ZNF236: variants seen among roughly 807,000 people sequenced by gnomAD.
The protein encoded by ZNF236 is zinc finger protein 236.
Under a neutral mutation model 191.2 loss-of-function variants are expected in ZNF236, and 50 were observed. The ratio of observed to expected loss-of-function variants is 0.26; its 90% CI spans 0.21 to 0.33. The LOEUF (loss-of-function observed/expected upper bound fraction) is 0.33, where lower values mean the gene tolerates loss of function less well. ZNF236 is among the 10% of genes least tolerant of loss of function. The probability of loss-of-function intolerance (pLI) is 1.00; values close to 1 mark genes in which losing one functional copy is unlikely to be tolerated. For synonymous variants in ZNF236, 907 were observed against 928.8 expected, an observed-to-expected ratio of 0.98 and a Z score of 0.43; for missense variants, 1,754 against 2,374.5, an observed-to-expected ratio of 0.74 and a Z score of 5.43.
intron 9 of ZNF236, 109 bp downstream of exon 9, chr18:76,881,621 A>G: frequency 1.0e-6 from 1 of 982,388 alleles, no homozygotes; most frequent in South Asian, 1.7e-5. Context: ...TGTTTGTTGA[A>G]TGTTTTGTAG....
At chr18:76,859,545 C>G (rs894482461) in intron 3 of ZNF236, among the ~76,000 whole-genome samples, 1 of 152,162 alleles carries the variant, frequency 6.6e-6, no homozygotes, top group Non-Finnish European at 1.5e-5. Flanking sequence ...TATTTACAAT[C>G]ATTCGTACAT....
rs536575858 is a variant in ZNF236, at chr18:76,933,270, A to G, written c.4595-3886A>G. 3.3e-5 allele frequency among the ~76,000 whole-genome samples: 5 copies of G among 152,238 alleles called. No individual in the cohort carries two copies. In the South Asian group the frequency reaches 1.0e-3, roughly 32 times the overall value. ...GATCACCTGAGGTCAGGAGTTTGAGACCAGCCTGGCCATCATGGTGAAACC... is the reference window on the plus strand; with the variant it reads ...GATCACCTGAGGTCAGGAGTTTGAGGCCAGCCTGGCCATCATGGTGAAACC... On this transcript the variant is annotated intron_variant, in intron 25 of 30. Coordinates refer to ENST00000320610, the MANE Select transcript of ZNF236 (RefSeq NM_001306089.2).
intron 19 of ZNF236, among the ~76,000 whole-genome samples, chr18:76,918,111 G>GT (rs956864904): frequency 2.6e-5 from 4 of 152,182 alleles, no homozygotes; most frequent in African/African-American, 9.6e-5. Context: ...TGAGTTGTAA[G>GT]TTTTTTTCAG....
intron 27 of ZNF236, 130 bp downstream of exon 27, chr18:76,947,782 C>T: frequency 1.8e-6 from 2 of 1,120,334 alleles, no homozygotes; most frequent in South Asian, 1.6e-5. Flanking sequence ...CTGAGGTGTC[C>T]CCGGCTGAAT....
chr18:76,960,985 A>G lies in ZNF236; in HGVS notation c.5419+130A>G. 9.8e-7 allele frequency: 1 copy of G among 1,019,604 alleles called. No homozygotes were observed. 63.2% of individuals were successfully genotyped at this position (1,019,604 alleles called of 1,614,324 possible). ...ACGTGGTACAGCCTCAGTTGTGTGG[A>G]CTGGAAGCTTGTGCTTTATTTTATT... On this transcript the variant is annotated intron_variant, in intron 30 of 30. Transcript: ENST00000320610. The surrounding 1 kb of genome is among the most constrained non-coding windows in gnomAD (Gnocchi z 4.4).
Position 76,910,706 on chromosome 18 carries a change from TG to T in ZNF236, c.2701del (p.Val901SerfsTer33). 6.2e-7 allele frequency: 1 copy of T among 1,614,256 alleles called. No individual in the cohort carries two copies. The highest frequency in any genetic ancestry group is 8.5e-7 in the Non-Finnish European group (1 of 1,180,034). On this transcript the variant is annotated frameshift_variant, in exon 16 of 31. Transcript: ENST00000320610. LOFTEE classifies it high-confidence loss of function. ...TYHQQPQFPPVQQLQDSSTLE... is the reference protein window; with the variant it reads ...TYHQQPQFPPXQQLQDSSTLE... ...ACCATCAGCAGCCTCAGTTTCCACC[TG>T]TCCAACAGCTACAGGATTCCAGCAC...
At chr18:76,892,014 A>G (rs901297906) in intron 9 of ZNF236, among the ~76,000 whole-genome samples, 3 of 152,130 alleles carry the variant, frequency 2.0e-5, no homozygotes, top group Admixed American at 1.3e-4. Flanking sequence ...CTTTAGTTCC[A>G]AAAAACAATC....
intron 14 of ZNF236, among the ~76,000 whole-genome samples, chr18:76,908,986 T>C: frequency 6.7e-6 from 1 of 149,452 alleles, no homozygotes; most frequent in South Asian, 2.1e-4. Flanking sequence ...TGTGTGTGTG[T>C]GTGTGTGTGT....
At chr18:76,823,777 G>C (rs1014515617) in intron 1 of ZNF236, among the ~76,000 whole-genome samples, 10 of 152,160 alleles carry the variant, frequency 6.6e-5, no homozygotes, top group Non-Finnish European at 7.3e-5. Context: ...TGCGCAGGGG[G>C]ATCGGGGCGC....
rs141714965 is a variant in ZNF236 at position 76,861,828 on chromosome 18, C to T, written c.364-6857C>T. Among the ~76,000 whole-genome samples, 252 of 152,248 alleles carry T rather than the reference C, an allele frequency of 1.7e-3. 4 individuals are homozygous for T. Among genetic ancestry groups the T allele is most frequent in the Admixed American group, 9.7e-3 (148 of 15,282 alleles). On this transcript the variant is annotated intron_variant, in intron 3 of 30. Transcript: ENST00000320610. Reference sequence around the variant, plus strand: ...CAGAGGTGGCGGACGGTTGGAGGGACTTGAGGAATAATGTGGCCGTCAGCT... The same window carrying T: ...CAGAGGTGGCGGACGGTTGGAGGGATTTGAGGAATAATGTGGCCGTCAGCT...
chr18:76,944,550 G>T (rs1168782534), intron 26 of ZNF236, among the ~76,000 whole-genome samples: 2 of 152,186 alleles, frequency 1.3e-5, no homozygotes, highest in African/African-American at 4.8e-5. Flanking sequence ...GCAGGCCGAG[G>T]CGGGTGGATC....
At chr18:76,857,699 C>T (rs928385770) in intron 3 of ZNF236, among the ~76,000 whole-genome samples, 1 of 152,224 alleles carries the variant, frequency 6.6e-6, no homozygotes, top group Non-Finnish European at 1.5e-5. Flanking sequence ...CTTTCCCGGG[C>T]TGCCTTCCTG....
chr18:76,889,624 C>T (rs565675641), intron 9 of ZNF236, among the ~76,000 whole-genome samples: 7 of 152,268 alleles, frequency 4.6e-5, no homozygotes, highest in South Asian at 2.1e-4. Context: ...GGAAGATAAA[C>T]GAATGGGAGG....
At position 76,867,128 on chromosome 18, in the gene ZNF236, G is replaced by C. The variant is rs928319292; in HGVS notation, c.364-1557G>C. ...ATCAGTACGGAGAGGAGCGGGCTGC[G>C]AGGGGTTTTGTGATGTGATTTTGAG... On this transcript the variant is annotated intron_variant, in intron 3 of 30. Coordinates refer to ENST00000320610, the MANE Select transcript of ZNF236 (RefSeq NM_001306089.2). Among the ~76,000 whole-genome samples the C allele has an allele frequency of 3.9e-5, 6 of 152,112 alleles. No homozygotes were observed. In the South Asian group the frequency reaches 1.0e-3, roughly 26 times the overall value.
chr18:76,864,070 C>T (rs1461862339), intron 3 of ZNF236, among the ~76,000 whole-genome samples: 1 of 152,206 alleles, frequency 6.6e-6, no homozygotes, highest in African/African-American at 2.4e-5. Flanking sequence ...GAGGGATTCT[C>T]CCGCAGACGG....
intron 3 of ZNF236, among the ~76,000 whole-genome samples, chr18:76,863,171 A>G (rs1976293843): frequency 6.6e-6 from 1 of 152,202 alleles, no homozygotes; most frequent in Non-Finnish European, 1.5e-5. Flanking sequence ...AACAGAGAAG[A>G]AATAGAAAAA....
chr18:76,845,038 A>G (rs577543151), intron 1 of ZNF236, among the ~76,000 whole-genome samples: 1 of 152,330 alleles, frequency 6.6e-6, no homozygotes, highest in African/African-American at 2.4e-5. Context: ...ATTCCGCACA[A>G]CTGTGAGATA....
intron 9 of ZNF236, among the ~76,000 whole-genome samples, chr18:76,890,751 C>A (rs988917000): frequency 5.3e-5 from 8 of 152,004 alleles, no homozygotes; most frequent in Admixed American, 5.2e-4. Context: ...CTTCTTTTGT[C>A]CATATGGTAT....
intron 1 of ZNF236, among the ~76,000 whole-genome samples, chr18:76,825,175 T>C (rs140715019): frequency 2.4e-4 from 37 of 152,342 alleles, no homozygotes; most frequent in Non-Finnish European, 3.8e-4. Flanking sequence ...TTTTTGCTAG[T>C]CTTGTGGCTC....
Sources: gnomAD v4.1 joint callset for allele counts (sites outside exome capture counted in the v4.1 genomes callset) on GRCh38, gnomAD v4.1.1 for gene constraint, Gnocchi (gnomAD v3.1) non-coding constraint, MANE v1.5 for transcripts, NCBI Gene and HGNC (gene_info 2026-07-23, HGNC 2026-07-21) for gene names.